The following RTKN variants were observed in gnomAD, a reference collection of about 807,000 sequenced individuals.
RTKN encodes rhotekin.
RTKN carries 49 observed loss-of-function variants against 63.5 expected under a neutral mutation model. The ratio of observed to expected loss-of-function variants is 0.77; its 90% CI spans 0.61 to 0.98. The LOEUF (loss-of-function observed/expected upper bound fraction) is 0.98, where lower values mean the gene tolerates loss of function less well. Ranked by LOEUF, RTKN falls within the 50% of genes least tolerant of loss-of-function variation. The pLI, the probability that RTKN is intolerant of heterozygous loss-of-function variation, is 0.00. For missense variants in RTKN, 685 were observed against 740.8 expected, an observed-to-expected ratio of 0.92 and a Z score of 0.87; for synonymous variants, 295 against 290.4, an observed-to-expected ratio of 1.02 and a Z score of -0.16.
rs1171802965 is a variant in RTKN, at chr2:74,432,528, T to C, written c.250A>G (p.Ser84Gly). The C allele has an allele frequency of 1.9e-6, 3 of 1,613,858 alleles. No homozygotes were observed. Among genetic ancestry groups the C allele is most frequent in the African/African-American group, 1.3e-5 (1 of 74,930 alleles). Reference protein sequence around the residue: ...SLLVCNSRILSYMGELQRRKE... With the variant: ...SLLVCNSRILGYMGELQRRKE... Reference sequence around the variant, plus strand: ...CGCCGCTGCAGCTCGCCCATGTAGCTGAGGATGCGGCTGTTGCACACTAGC... The same window carrying C: ...CGCCGCTGCAGCTCGCCCATGTAGCCGAGGATGCGGCTGTTGCACACTAGC... The change falls in exon 2 of 12, where the codon AGC (serine) becomes GGC (glycine). Residue 84 changes from serine to glycine, a missense_variant. Coordinates refer to ENST00000272430, the MANE Select transcript of RTKN (RefSeq NM_001015055.2).
intron 1 of RTKN, among the ~76,000 whole-genome samples, chr2:74,438,799 T>G (rs1671193538): frequency 6.6e-6 from 1 of 152,224 alleles, no homozygotes; most frequent in Admixed American, 6.5e-5. Flanking sequence ...CCTCCACATC[T>G]AACATTGCCT....
chr2:74,426,464 C>A lies in RTKN; in HGVS notation c.1471G>T (p.Ala491Ser). 6.2e-7 allele frequency: 1 copy of A among 1,610,408 alleles called. No homozygotes were observed. Among genetic ancestry groups the A allele is most frequent in the Non-Finnish European group, 8.5e-7 (1 of 1,178,060 alleles). ...PWLAMFTDQPALPNPCSPASV... is the reference protein window; with the variant it reads ...PWLAMFTDQPSLPNPCSPASV... ...GCAGGCGAGCAGGGGTTAGGCAGGG[C>A]AGGCTGGTCTGTAAACATTGCCAGC... The change falls in exon 12 of 12, where the codon GCC becomes TCC. Residue 491 changes from alanine (A) to serine (S), a missense_variant. By Grantham distance (99) the Ala-to-Ser change is moderately conservative. Transcript: ENST00000272430.
intron 11 of RTKN, 76 bp from the exon 12 acceptor site, chr2:74,426,650 C>T: frequency 6.7e-7 from 1 of 1,486,864 alleles, no homozygotes; most frequent in Non-Finnish European, 8.9e-7. Context: ...AGCCCTATCA[C>T]CTGTCACTGT....
chr2:74,427,717 CCTA>C, intron 9 of RTKN, 125 bp from the exon 10 acceptor site: 1 of 1,031,552 alleles, frequency 9.7e-7, no homozygotes, highest in Non-Finnish European at 1.4e-6. Flanking sequence ...TCATTTGCCT[CCTA>C]CTGACCAGAG....
At position 74,426,103 on chromosome 2, in the gene RTKN, C is replaced by T; in HGVS notation, c.*140G>A. 1.3e-6 allele frequency: 1 copy of T among 797,458 alleles called. No individual in the cohort carries two copies. The allele number at this position is 797,458 out of a possible 1,614,324, so 49.4% of individuals were successfully genotyped here. A position where few individuals can be genotyped will look rare whatever the true frequency, so the allele number is the denominator to read the frequency against. On this transcript the variant is annotated 3_prime_UTR_variant, in exon 12 of 12. Transcript: ENST00000272430. ...CAATTTAAGAGGGGCTTCTGCCCAC[C>T]CCTGCAGCCTACCCCAGGTCCAGCA...
chr2:74,427,075 TG>T, intron 11 of RTKN, 93 bp downstream of exon 11: 1 of 1,518,466 alleles, frequency 6.6e-7, no homozygotes, highest in Non-Finnish European at 9.0e-7. Flanking sequence ...TAGCCCAGAG[TG>T]TGCTTTCTCT....
At position 74,427,151 on chromosome 2, in the gene RTKN, C is replaced by T. The variant is rs1440013727; in HGVS notation, c.1360+18G>A. 7 of 1,607,000 alleles carry T rather than the reference C, an allele frequency of 4.4e-6. No homozygotes were observed. The highest frequency in any genetic ancestry group is 2.2e-5 in the East Asian group (1 of 44,842). On this transcript the variant is annotated intron_variant, in intron 11 of 11. Coordinates refer to ENST00000272430, the MANE Select transcript of RTKN (RefSeq NM_001015055.2). ...TACTTCCCATTAGCTTCCTGGAGTT[C>T]ACATTCCTCTCACTTACCCATCTCA...
chr2:74,428,791 C>T, intron 7 of RTKN, 54 bp from the exon 8 acceptor site: 2 of 1,601,746 alleles, frequency 1.2e-6, no homozygotes, highest in South Asian at 2.2e-5. Context: ...GGGACCATCC[C>T]ACAGCCCCTC....
At chr2:74,441,577 C>A in intron 1 of RTKN, 129 bp downstream of exon 1, 1 of 646,920 alleles carries the variant, frequency 1.5e-6, no homozygotes, top group Non-Finnish European at 2.7e-6. Context: ...TCAACAACTC[C>A]GTCGGGTTTG....
intron 9 of RTKN, 161 bp downstream of exon 9, chr2:74,428,107 G>A (rs931612531): frequency 7.4e-6 from 6 of 814,226 alleles, no homozygotes; most frequent in Admixed American, 5.0e-5. Context: ...CAGTGATGCT[G>A]TAGTTGGGGA....
At chr2:74,441,659 GC>G (rs1237839038) in intron 1 of RTKN, 46 bp downstream of exon 1, 18 of 1,404,948 alleles carry the variant, frequency 1.3e-5, no homozygotes, top group African/African-American at 1.4e-5. Context: ...GGCTGGGGCT[GC>G]CCCCGGGAGC....
chr2:74,438,113 T>C (rs1671155770), intron 1 of RTKN, among the ~76,000 whole-genome samples: 1 of 152,106 alleles, frequency 6.6e-6, no homozygotes, highest in South Asian at 2.1e-4. Context: ...TCTAGACTCT[T>C]TGCAGTCCTG....
At chr2:74,440,049 T>A in intron 1 of RTKN, 1 of 968,260 alleles carries the variant, frequency 1.0e-6, no homozygotes, top group Non-Finnish European at 1.3e-6. Flanking sequence ...CCTGGCCTGG[T>A]GGACAGGGAA....
Position 74,428,431 on chromosome 2 carries a change from AC to A in RTKN, c.958-36del, listed in dbSNP as rs1269994202. On this transcript the variant is annotated intron_variant, in intron 8 of 11. Transcript: ENST00000272430. ...TGACTCAACATTTTCTGGGGAAGTC[AC>A]GGCCCCCAGTATCCCTCTTCTCAGC... 3 of 1,614,016 alleles carry A rather than the reference AC, an allele frequency of 1.9e-6. No individual in the cohort carries two copies. In the Admixed American group the frequency reaches 5.0e-5, roughly 27 times the overall value.
chr2:74,434,820 T>C (rs967478350), intron 1 of RTKN, among the ~76,000 whole-genome samples: 8 of 152,174 alleles, frequency 5.3e-5, no homozygotes, highest in African/African-American at 1.4e-4. Context: ...CTACCTAAGA[T>C]TTGCAGAATA....
rs542060088 is a variant in RTKN, at chr2:74,427,056, G to A, written c.1360+113C>T. The A allele has an allele frequency of 2.4e-5, 35 of 1,482,888 alleles. 2 individuals are homozygous for A. The African/African-American group carries it at 4.8e-4, about 20-fold the overall frequency. The allele number at this position is 1,482,888 out of a possible 1,614,324, so 91.9% of individuals were successfully genotyped here. ...ATTGGGTGAGACTTGGGTCCCCAGA[G>A]ATCTGGTGTAGCCCAGAGTGTGCTT... On this transcript the variant is annotated intron_variant, in intron 11 of 11. Transcript: ENST00000272430.
At chr2:74,440,471 T>C in intron 1 of RTKN, 2 of 986,792 alleles carry the variant, frequency 2.0e-6, no homozygotes, top group African/African-American at 3.5e-5. Flanking sequence ...CAGCCCCGAT[T>C]CCGAGCCAGC....
chr2:74,438,380 C>A (rs1207631918), intron 1 of RTKN, among the ~76,000 whole-genome samples: 1 of 152,158 alleles, frequency 6.6e-6, no homozygotes, highest in Non-Finnish European at 1.5e-5. Context: ...TCACTCCCAC[C>A]TGAAGTGGGA....
At chr2:74,438,006 A>G (rs944278258) in intron 1 of RTKN, among the ~76,000 whole-genome samples, 1 of 152,146 alleles carries the variant, frequency 6.6e-6, no homozygotes, top group Non-Finnish European at 1.5e-5. Flanking sequence ...CTCGTTGATA[A>G]AGAGTGCCAA....
Sources: allele counts gnomAD v4.1 joint callset (sites outside exome capture counted in the v4.1 genomes callset), GRCh38; gene constraint gnomAD v4.1.1; transcripts MANE v1.5; gene names NCBI Gene and HGNC (gene_info 2026-07-23, HGNC 2026-07-21).